CXCL13: variants seen among roughly 807,000 people sequenced by gnomAD.
The protein encoded by CXCL13 is C-X-C motif chemokine 13.
In CXCL13, 7 loss-of-function variants were observed where a neutral mutation model predicts 12.2. The ratio of observed to expected loss-of-function variants is 0.57; its 90% CI spans 0.33 to 1.07. The LOEUF (loss-of-function observed/expected upper bound fraction) is 1.07. CXCL13 is among the 50% of genes least tolerant of loss of function. The pLI, the probability that CXCL13 is intolerant of heterozygous loss-of-function variation, is 0.04. For synonymous variants in CXCL13, 47 were observed against 42.4 expected (o/e 1.11, Z -0.42); for missense variants, 113 against 127.4 (o/e 0.89, Z 0.55).
intron 1 of CXCL13, among the ~76,000 whole-genome samples, chr4:77,584,869 T>C (rs773929526): frequency 6.6e-6 from 1 of 152,142 alleles, no homozygotes; most frequent in African/African-American, 2.4e-5. Flanking sequence ...GAAGGAGAAA[T>C]ACTAGGCATC....
intron 1 of CXCL13, among the ~76,000 whole-genome samples, chr4:77,545,172 A>T (rs1027995085): frequency 6.6e-6 from 1 of 152,188 alleles, no homozygotes; most frequent in Non-Finnish European, 1.5e-5. Flanking sequence ...GTTTGAAGTC[A>T]GGTAGGGTGA....
intron 1 of CXCL13, among the ~76,000 whole-genome samples, chr4:77,561,872 G>C (rs1725823186): frequency 6.6e-6 from 1 of 152,218 alleles, no homozygotes; most frequent in Non-Finnish European, 1.5e-5. Flanking sequence ...CCCTCTGCTT[G>C]TGGGGTGATG....
At chr4:77,566,000 C>G (rs753335308) in intron 1 of CXCL13, among the ~76,000 whole-genome samples, 4 of 152,180 alleles carry the variant, frequency 2.6e-5, no homozygotes, top group Non-Finnish European at 4.4e-5. Flanking sequence ...TCTAATATTT[C>G]CCTTGAGGCC....
intron 1 of CXCL13, among the ~76,000 whole-genome samples, chr4:77,568,922 A>G (rs1726001237): frequency 6.6e-6 from 1 of 152,286 alleles, no homozygotes. Flanking sequence ...GCTTTGCTAT[A>G]GGAGGTGAAA....
intron 1 of CXCL13, among the ~76,000 whole-genome samples, chr4:77,598,890 C>T (rs1726828428): frequency 6.6e-6 from 1 of 152,090 alleles, no homozygotes; most frequent in Non-Finnish European, 1.5e-5. Context: ...TCCCTGCAAC[C>T]TCTGCCTCCC....
At chr4:77,557,177 T>G (rs1725679289) in intron 1 of CXCL13, among the ~76,000 whole-genome samples, 1 of 152,236 alleles carries the variant, frequency 6.6e-6, no homozygotes, top group African/African-American at 2.4e-5. Flanking sequence ...ATTGAATTCA[T>G]TGATTACTTG....
intron 1 of CXCL13, among the ~76,000 whole-genome samples, chr4:77,516,756 C>T (rs1724431522): frequency 2.0e-5 from 3 of 152,106 alleles, no homozygotes; most frequent in Admixed American, 2.0e-4. Flanking sequence ...ATTCAAAAAA[C>T]CAGCTCCTGG....
At position 77,605,902 on chromosome 4, in the gene CXCL13, C is replaced by T; in HGVS notation, c.37C>T (p.Leu13=). The T allele has an allele frequency of 6.2e-7, 1 of 1,607,092 alleles. No individual in the cohort carries two copies. The highest frequency in any genetic ancestry group is 8.5e-7 in the Non-Finnish European group (1 of 1,175,566). ...FISTSLLLML[L]VSSLSPVQGV... Reference sequence around the variant, plus strand: ...CTCGACATCTCTGCTTCTCATGCTGCTGGTCAGCAGCCTCTCTCCAGTCCA... The same window carrying T: ...CTCGACATCTCTGCTTCTCATGCTGTTGGTCAGCAGCCTCTCTCCAGTCCA... The change falls in exon 1 of 4, where the codon CTG becomes TTG. Residue 13 remains leucine (L), a synonymous_variant. Coordinates refer to ENST00000682537, the MANE Select transcript of CXCL13 (RefSeq NM_001371558.1).
At chr4:77,523,523 G>A (rs1054411405) in intron 1 of CXCL13, among the ~76,000 whole-genome samples, 6 of 152,124 alleles carry the variant, frequency 3.9e-5, no homozygotes, top group Non-Finnish European at 8.8e-5. Flanking sequence ...GCTTGTGCAT[G>A]CATCACGAAG....
At chr4:77,593,636 G>T (rs1726672774) in intron 1 of CXCL13, among the ~76,000 whole-genome samples, 1 of 152,166 alleles carries the variant, frequency 6.6e-6, no homozygotes, top group Non-Finnish European at 1.5e-5. Context: ...TAATATCCCT[G>T]CATATCCCTT....
chr4:77,549,667 G>C (rs563317040), intron 1 of CXCL13, among the ~76,000 whole-genome samples: 10 of 152,270 alleles, frequency 6.6e-5, no homozygotes, highest in African/African-American at 1.9e-4. Flanking sequence ...ACCAGCAGAG[G>C]CTGCAGAACA....
At chr4:77,533,678 C>T (rs1055486784) in intron 1 of CXCL13, among the ~76,000 whole-genome samples, 12 of 152,176 alleles carry the variant, frequency 7.9e-5, no homozygotes, top group African/African-American at 2.9e-4. Flanking sequence ...GTGGTGGGCT[C>T]CACTCAGTTC....
At chr4:77,529,141 T>G (rs1724843661) in intron 1 of CXCL13, among the ~76,000 whole-genome samples, 1 of 152,202 alleles carries the variant, frequency 6.6e-6, no homozygotes, top group Non-Finnish European at 1.5e-5. Flanking sequence ...GGTCTATATC[T>G]CTGTTTTGGT....
intron 1 of CXCL13, among the ~76,000 whole-genome samples, chr4:77,544,507 G>A (rs936671379): frequency 6.6e-6 from 1 of 152,178 alleles, no homozygotes; most frequent in East Asian, 1.9e-4. Flanking sequence ...GTGATGATGA[G>A]CATTTTTTCT....
At chr4:77,544,535 A>T (rs1725302184) in intron 1 of CXCL13, among the ~76,000 whole-genome samples, 1 of 152,192 alleles carries the variant, frequency 6.6e-6, no homozygotes, top group South Asian at 2.1e-4. Context: ...TAGGCTGCAT[A>T]AATGTGTTCT....
chr4:77,597,608 G>A (rs1726793536), intron 1 of CXCL13, among the ~76,000 whole-genome samples: 1 of 152,142 alleles, frequency 6.6e-6, no homozygotes, highest in Non-Finnish European at 1.5e-5. Flanking sequence ...CAATTCCTTA[G>A]AAAAGTGAAA....
chr4:77,549,254 C>T (rs1425680338), intron 1 of CXCL13, among the ~76,000 whole-genome samples: 1 of 152,120 alleles, frequency 6.6e-6, no homozygotes, highest in Non-Finnish European at 1.5e-5. Flanking sequence ...TTTTTCAAGG[C>T]CTTTAGCTTC....
intron 1 of CXCL13, among the ~76,000 whole-genome samples, chr4:77,547,124 T>C (rs780868594): frequency 5.3e-5 from 8 of 152,220 alleles, no homozygotes; most frequent in Admixed American, 1.3e-4. Context: ...GTGATTGCTG[T>C]TCTTTTACAT....
chr4:77,558,491 T>G (rs1049854326), intron 1 of CXCL13, among the ~76,000 whole-genome samples: 2 of 152,224 alleles, frequency 1.3e-5, no homozygotes, highest in African/African-American at 4.8e-5. Flanking sequence ...TAACTGGGAC[T>G]ACAGGTGTAA....
Sources: gnomAD v4.1 joint callset for allele counts (sites outside exome capture counted in the v4.1 genomes callset) on GRCh38, gnomAD v4.1.1 for gene constraint, MANE v1.5 for transcripts, NCBI Gene and HGNC (gene_info 2026-07-23, HGNC 2026-07-21) for gene names.